The following ATXN7L2 variants were observed in gnomAD, a reference collection of about 807,000 sequenced individuals.
The protein encoded by ATXN7L2 is ataxin-7-like protein 2.
Under a neutral mutation model 59.6 loss-of-function variants are expected in ATXN7L2, and 17 were observed. The ratio of observed to expected loss-of-function variants is 0.29; its 90% CI spans 0.20 to 0.43. The LOEUF (loss-of-function observed/expected upper bound fraction) is 0.43, where lower values mean the gene tolerates loss of function less well. Ranked by LOEUF, ATXN7L2 falls within the 20% of genes least tolerant of loss-of-function variation. The probability of loss-of-function intolerance (pLI) is 1.00; values close to 1 mark genes in which losing one functional copy is unlikely to be tolerated. For synonymous variants in ATXN7L2, 378 were observed against 392.5 expected (o/e 0.96, Z 0.44); for missense variants, 858 against 1,008.9 (o/e 0.85, Z 2.03).
In ATXN7L2 at chr1:109,486,351, G is replaced by A. The variant is rs1194189232; in HGVS notation, c.194-155G>A. 1 of 939,460 alleles carries A rather than the reference G, an allele frequency of 1.1e-6. No homozygotes were observed. Among genetic ancestry groups the A allele is most frequent in the Non-Finnish European group, 1.6e-6 (1 of 637,478 alleles). 58.2% of individuals were successfully genotyped at this position (939,460 alleles called of 1,614,324 possible). ...AGCGTATACCCTTTGGGACTGCTTA[G>A]ATCGAACTCTGGAAGCTGGAAGCAT... On this transcript the variant is annotated intron_variant, in intron 2 of 10. Transcript: ENST00000683729. This position sits in a 1 kb window ranked among gnomAD's most constrained non-coding sequence, Gnocchi z 4.3.
chr1:109,490,469 C>T, intron 9 of ATXN7L2, 77 bp downstream of exon 9: 1 of 1,549,644 alleles, frequency 6.5e-7, no homozygotes. Context: ...CTTCAGAAGC[C>T]CTGATCTTTC....
chr1:109,489,775 TC>T, intron 7 of ATXN7L2, 154 bp from the exon 8 acceptor site: 1 of 746,278 alleles, frequency 1.3e-6, no homozygotes, highest in Non-Finnish European at 2.3e-6. Context: ...GCTGTGTCGT[TC>T]CCTCCTGTCC....
In ATXN7L2 at chr1:109,483,981, G is replaced by C; in HGVS notation, c.28G>C (p.Ala10Pro). Residue 10 changes from alanine to proline, a missense_variant, in exon 1 of 11, where the codon GCA (alanine) becomes CCA (proline). Coordinates refer to ENST00000683729, the MANE Select transcript of ATXN7L2 (RefSeq NM_001350175.2). ...GGCGGTGCGTGAACGCGCGGCGGCA[G>C]CAATGGCCGCTCTGGAGCGGCGGGT... MAVRERAAA[A>P]MAALERRVPS... The C allele has an allele frequency of 1.4e-6, 2 of 1,388,418 alleles. No homozygotes were observed. The highest frequency in any genetic ancestry group is 1.9e-6 in the Non-Finnish European group (2 of 1,059,604). 86.0% of individuals were successfully genotyped at this position (1,388,418 alleles called of 1,614,324 possible). A position where few individuals can be genotyped will look rare whatever the true frequency, so the allele number is the denominator to read the frequency against.
At position 109,491,643 on chromosome 1, in the gene ATXN7L2, G is replaced by A. The variant is rs199625357; in HGVS notation, c.2176G>A (p.Asp726Asn). 2.5e-6 allele frequency: 4 copies of A among 1,612,978 alleles called. No individual in the cohort carries two copies. In the East Asian group the frequency reaches 6.7e-5, roughly 27 times the overall value. Residue 726 changes from aspartate (D) to asparagine (N), a missense_variant, in exon 10 of 11, where the codon GAT (aspartate) becomes AAT (asparagine). By Grantham distance (23) the Asp-to-Asn change is conservative. Coordinates refer to ENST00000683729, the MANE Select transcript of ATXN7L2 (RefSeq NM_001350175.2). The surrounding 1 kb of genome is among the most constrained non-coding windows in gnomAD (Gnocchi z 4.1). ...AKHCQAGAPA[D>N]VACSVRRKKP... ...GCACTGTCAGGCTGGTGCCCCTGCT[G>A]ATGTGGCCTGCTCTGTGCGCCGCAA... is the stretch of plus-strand genomic sequence containing the variant.
In ATXN7L2 at chr1:109,490,534, G is replaced by A. The variant is rs1656967139; in HGVS notation, c.1454+142G>A. The A allele has an allele frequency of 5.1e-5, 65 of 1,273,982 alleles. 1 individual carries two copies. In the South Asian group the frequency reaches 9.3e-4, roughly 18 times the overall value. 78.9% of individuals were successfully genotyped at this position (1,273,982 alleles called of 1,614,324 possible). A position where few individuals can be genotyped will look rare whatever the true frequency, so the allele number is the denominator to read the frequency against. Reference sequence around the variant, plus strand: ...TTGCCAGCAGGACCCCAGATAGGGAGTAGCATGAAAAGGAGGTGGGAAAAC... The same window carrying A: ...TTGCCAGCAGGACCCCAGATAGGGAATAGCATGAAAAGGAGGTGGGAAAAC... On this transcript the variant is annotated intron_variant, in intron 9 of 10. Coordinates refer to ENST00000683729, the MANE Select transcript of ATXN7L2 (RefSeq NM_001350175.2).
In ATXN7L2 at chr1:109,486,643, CA is replaced by C; in HGVS notation, c.298+34del. The stretch of plus-strand genomic sequence containing the variant: ...GAGCCCTAGGGAGGAGATAAAGGGA[CA>C]GGGGAAGGTGGAGCATGGAACTCTG... On this transcript the variant is annotated intron_variant, in intron 3 of 10. Coordinates refer to ENST00000683729, the MANE Select transcript of ATXN7L2 (RefSeq NM_001350175.2). The surrounding 1 kb of genome is among the most constrained non-coding windows in gnomAD (Gnocchi z 4.3). 1.9e-6 allele frequency: 3 copies of C among 1,562,472 alleles called. No individual in the cohort carries two copies. Among genetic ancestry groups the C allele is most frequent in the Non-Finnish European group, 2.6e-6 (3 of 1,134,270 alleles).
chr1:109,484,841 G>T (rs960417371), intron 1 of ATXN7L2, among the ~76,000 whole-genome samples: 4 of 152,204 alleles, frequency 2.6e-5, no homozygotes, highest in Non-Finnish European at 4.4e-5. Flanking sequence ...AGTGAGAAGA[G>T]GTGGAGGAGG....
In ATXN7L2 at chr1:109,483,919, GGCGGCGCCAGGGCGGGCGCGCGTCC is replaced by G. The variant is rs755605943; in HGVS notation, c.-28_-4del. On this transcript the variant is annotated 5_prime_UTR_variant, in exon 1 of 11. Transcript: ENST00000683729. ...GGCGAGGGGGAGGGGGCCGCGCGGC[GGCGGCGCCAGGGCGGGCGCGCGTCC>G]GCGGCGGTGATGGCGGTGCGTGAAC... is the stretch of plus-strand genomic sequence containing the variant. 3.8e-5 allele frequency: 45 copies of G among 1,173,420 alleles called. 1 individual carries two copies. The highest frequency in any genetic ancestry group is 3.2e-6 in the Non-Finnish European group (3 of 949,352). 72.7% of individuals were successfully genotyped at this position (1,173,420 alleles called of 1,614,324 possible). A position where few individuals can be genotyped will look rare whatever the true frequency, so the allele number is the denominator to read the frequency against.
rs1334789130 is a variant in ATXN7L2, at chr1:109,491,504, C to G, written c.2037C>G (p.Asn679Lys). 1 of 1,613,840 alleles carries G rather than the reference C, an allele frequency of 6.2e-7. No homozygotes were observed. The highest frequency in any genetic ancestry group is 2.2e-5 in the East Asian group (1 of 44,900). ...PTPVKASQLENRGAAGHPAKA... is the reference protein window; with the variant it reads ...PTPVKASQLEKRGAAGHPAKA... ...CAGTCAAGGCTTCTCAGCTGGAGAACCGGGGAGCAGCTGGACACCCAGCCA... is the reference window on the plus strand; with the variant it reads ...CAGTCAAGGCTTCTCAGCTGGAGAAGCGGGGAGCAGCTGGACACCCAGCCA... Residue 679 changes from asparagine (N) to lysine (K), a missense_variant, in exon 10 of 11, where the codon AAC becomes AAG. Coordinates refer to ENST00000683729, the MANE Select transcript of ATXN7L2 (RefSeq NM_001350175.2). This position sits in a 1 kb window ranked among gnomAD's most constrained non-coding sequence, Gnocchi z 4.1.
In ATXN7L2 at chr1:109,491,217, A is replaced by G. The variant is rs1254638958; in HGVS notation, c.1750A>G (p.Lys584Glu). The G allele has an allele frequency of 2.5e-6, 4 of 1,614,058 alleles. No homozygotes were observed. The highest frequency in any genetic ancestry group is 3.4e-6 in the Non-Finnish European group (4 of 1,180,058). ...SPSFSKLPPSKASKSSKGKDG... is the reference protein window; with the variant it reads ...SPSFSKLPPSEASKSSKGKDG... ...GTCCTTCAGCAAGCTGCCGCCTTCC[A>G]AGGCCAGCAAGTCATCCAAAGGCAA... is the stretch of plus-strand genomic sequence containing the variant. The change falls in exon 10 of 11, where the codon AAG (lysine) becomes GAG (glutamate). Residue 584 changes from lysine to glutamate, a missense_variant. This residue lies in a region of ATXN7L2 where 734 missense variants were observed against 862.3 expected (regional missense o/e 0.85). Transcript: ENST00000683729. This position sits in a 1 kb window ranked among gnomAD's most constrained non-coding sequence, Gnocchi z 4.1.
chr1:109,489,119 C>A lies in ATXN7L2; in HGVS notation c.1133+19C>A. On this transcript the variant is annotated intron_variant, in intron 7 of 10. Transcript: ENST00000683729. ...TGCCCAGGTACGTCTAGAATCCAAC[C>A]CCTACCTCACCTGGGGGTACTTGGC... The A allele has an allele frequency of 1.3e-6, 2 of 1,599,340 alleles. No individual in the cohort carries two copies. The highest frequency in any genetic ancestry group is 8.6e-7 in the Non-Finnish European group (1 of 1,169,312).
In ATXN7L2 at chr1:109,488,382, G is replaced by A; in HGVS notation, c.797-1G>A. The stretch of plus-strand genomic sequence containing the variant: ...GTTCATTGGAAGTGCTTTCCCCACA[G>A]GGAAGGAGTGCGACCTCAACAGGCA... On this transcript the variant is annotated splice_acceptor_variant, in intron 5 of 10. Transcript: ENST00000683729. LOFTEE classifies it high-confidence loss of function. The surrounding 1 kb of genome is among the most constrained non-coding windows in gnomAD (Gnocchi z 5.0). 6.3e-7 allele frequency: 1 copy of A among 1,597,372 alleles called. No homozygotes were observed. The highest frequency in any genetic ancestry group is 8.6e-7 in the Non-Finnish European group (1 of 1,169,588).
Position 109,486,171 on chromosome 1 carries a change from C to A in ATXN7L2, c.193+49C>A. The A allele has an allele frequency of 6.6e-7, 1 of 1,514,122 alleles. No homozygotes were observed. The allele number at this position is 1,514,122 out of a possible 1,614,324, so 93.8% of individuals were successfully genotyped here. On this transcript the variant is annotated intron_variant, in intron 2 of 10. Transcript: ENST00000683729. This position sits in a 1 kb window ranked among gnomAD's most constrained non-coding sequence, Gnocchi z 4.3. ...CTGGGACCCAGGGCAGACAGGACCA[C>A]GCTCCACTTTTCCACCACACTACAG...
rs945142202 is a variant in ATXN7L2 at position 109,486,750 on chromosome 1, G to A, written c.298+140G>A. The A allele has an allele frequency of 5.1e-6, 4 of 788,756 alleles. No individual in the cohort carries two copies. Among genetic ancestry groups the A allele is most frequent in the Non-Finnish European group, 8.0e-6 (4 of 497,304 alleles). 48.9% of individuals were successfully genotyped at this position (788,756 alleles called of 1,614,324 possible). A position where few individuals can be genotyped will look rare whatever the true frequency, so the allele number is the denominator to read the frequency against. On this transcript the variant is annotated intron_variant, in intron 3 of 10. Coordinates refer to ENST00000683729, the MANE Select transcript of ATXN7L2 (RefSeq NM_001350175.2). The surrounding 1 kb of genome is among the most constrained non-coding windows in gnomAD (Gnocchi z 4.3). ...GGAAGGTTGTGGGGGTGGCTTCAGA[G>A]CATTGTGGGGAGTCGGGTTATTGTT... is the stretch of plus-strand genomic sequence containing the variant.
At chr1:109,492,529 A>G in intron 10 of ATXN7L2, 57 bp from the exon 11 acceptor site, 3 of 1,609,630 alleles carry the variant, frequency 1.9e-6, no homozygotes, top group African/African-American at 1.3e-5. Flanking sequence ...TTCACTGGGT[A>G]GGACAGCTGG....
intron 4 of ATXN7L2, 132 bp downstream of exon 4, chr1:109,487,349 C>T: frequency 8.5e-7 from 1 of 1,171,632 alleles, no homozygotes. Flanking sequence ...CTGCAGCTTC[C>T]TTCCATATAT....
rs975537143 is a variant in ATXN7L2 at position 109,489,315 on chromosome 1, T to G, written c.1133+215T>G. The stretch of plus-strand genomic sequence containing the variant: ...ACAGCACCCCAGCCTCTCGGCAGTG[T>G]GCCAGATCCAACACTCAGGATATGA... On this transcript the variant is annotated intron_variant, in intron 7 of 10. Transcript: ENST00000683729. 12 of 617,292 alleles carry G rather than the reference T, an allele frequency of 1.9e-5. No individual in the cohort carries two copies. In the African/African-American group the frequency reaches 2.2e-4, roughly 11 times the overall value. 38.2% of individuals were successfully genotyped at this position (617,292 alleles called of 1,614,324 possible).
chr1:109,486,845 T>A lies in ATXN7L2; in HGVS notation c.299-162T>A, dbSNP rs1192967195. Among the ~76,000 whole-genome samples the A allele has an allele frequency of 6.6e-6, 1 of 152,178 alleles. No individual in the cohort carries two copies. Among genetic ancestry groups the A allele is most frequent in the Non-Finnish European group, 1.5e-5 (1 of 68,032 alleles). On this transcript the variant is annotated intron_variant, in intron 3 of 10. Transcript: ENST00000683729. This position sits in a 1 kb window ranked among gnomAD's most constrained non-coding sequence, Gnocchi z 4.3. ...ACATTCAGGAAGCTGGGTCTTGAAT[T>A]TTGAGTCCTAAAGGCTCAGATTCAA...
chr1:109,487,293 C>A, intron 4 of ATXN7L2, 76 bp downstream of exon 4: 1 of 1,374,166 alleles, frequency 7.3e-7, no homozygotes, highest in African/African-American at 1.5e-5. Context: ...ATACAGACAG[C>A]CCTGGGTCAA....
Sources: gnomAD v4.1 joint callset for allele counts (sites outside exome capture counted in the v4.1 genomes callset) on GRCh38, gnomAD v4.1.1 for gene constraint, gnomAD v4.1.1 regional missense constraint, Gnocchi (gnomAD v3.1) non-coding constraint, MANE v1.5 for transcripts, NCBI Gene and HGNC (gene_info 2026-07-23, HGNC 2026-07-21) for gene names.